The following GCKR variants were observed in gnomAD, a reference collection of about 807,000 sequenced individuals.
The protein encoded by GCKR is glucokinase regulatory protein.
Under a neutral mutation model 82.9 loss-of-function variants are expected in GCKR, and 73 were observed. That is an observed-to-expected ratio of 0.88 (90% confidence interval 0.73 to 1.07). The LOEUF is 1.07. Among genes scored for constraint, GCKR ranks in the 50% least tolerant of loss-of-function variants. GCKR has a pLI of 0.00. For missense variants in GCKR, 784 were observed against 782.1 expected, an observed-to-expected ratio of 1.00 and a Z score of -0.03; for synonymous variants, 294 against 291.8, an observed-to-expected ratio of 1.01 and a Z score of -0.08.
rs759000345 is a variant in GCKR at position 27,499,137 on chromosome 2, C to G, written c.429-5C>G. 1.3e-6 allele frequency: 2 copies of G among 1,589,634 alleles called. No homozygotes were observed. The highest frequency in any genetic ancestry group is 2.2e-5 in the South Asian group (2 of 90,586). ...CTGCCACTGACCTTGAGTCTGTCCT[C>G]TTAGGTCTGTGGTGGCCTCTAGGGA... On this transcript the variant is annotated splice_region_variant and splice_polypyrimidine_tract_variant and intron_variant, in intron 5 of 18. Transcript: ENST00000264717.
In GCKR at chr2:27,507,811, G is replaced by A. The variant is rs1290592839; in HGVS notation, c.1240+34G>A. The stretch of plus-strand genomic sequence containing the variant: ...GAAGATGGGAGTGGTGAGGGGTGGG[G>A]AGGGGGAAATAGAATGGTTCAGAGG... On this transcript the variant is annotated intron_variant, in intron 14 of 18. Transcript: ENST00000264717. The A allele has an allele frequency of 4.5e-6, 6 of 1,321,780 alleles. No homozygotes were observed. In the South Asian group the frequency reaches 5.9e-5, roughly 13 times the overall value. 81.9% of individuals were successfully genotyped at this position (1,321,780 alleles called of 1,614,324 possible). A position where few individuals can be genotyped will look rare whatever the true frequency, so the allele number is the denominator to read the frequency against.
At chr2:27,509,607 G>T in intron 16 of GCKR, 1 of 406,822 alleles carries the variant, frequency 2.5e-6, no homozygotes, top group South Asian at 1.7e-5. Context: ...CTCCCAAAGT[G>T]CTGAGATTGC....
intron 9 of GCKR, among the ~76,000 whole-genome samples, chr2:27,505,412 A>G (rs1469912048): frequency 3.3e-5 from 5 of 150,870 alleles, no homozygotes; most frequent in East Asian, 1.9e-4. Context: ...TCAAAAAAAA[A>G]AAAAAAAGAA....
At chr2:27,514,430 A>T (rs1223030755) in intron 16 of GCKR, among the ~76,000 whole-genome samples, 1 of 152,070 alleles carries the variant, frequency 6.6e-6, no homozygotes, top group Non-Finnish European at 1.5e-5. Context: ...TTAATTAGTT[A>T]CTGGCTTATC....
chr2:27,501,065 G>A (rs1427003603), intron 7 of GCKR, 70 bp from the exon 8 acceptor site: 1 of 1,018,212 alleles, frequency 9.8e-7, no homozygotes, highest in Non-Finnish European at 1.6e-6. Flanking sequence ...GGGTTCTGAT[G>A]CACTTGAGCC....
Position 27,518,950 on chromosome 2 carries a change from T to TTG in GCKR, c.1572+13_1572+14insTG. The TTG allele has an allele frequency of 5.6e-6, 4 of 716,868 alleles. No homozygotes were observed. Among genetic ancestry groups the TTG allele is most frequent in the East Asian group, 4.3e-5 (1 of 23,404 alleles). The allele number at this position is 716,868 out of a possible 1,614,324, so 44.4% of individuals were successfully genotyped here. A position where few individuals can be genotyped will look rare whatever the true frequency, so the allele number is the denominator to read the frequency against. ...GGCCATGCTGCAGGTAGGGATATGA[T>TTG]GGGGCAGGGTTGGGTGGGACCTGGC... On this transcript the variant is annotated intron_variant, in intron 17 of 18. Coordinates refer to ENST00000264717, the MANE Select transcript of GCKR (RefSeq NM_001486.4).
At position 27,506,872 on chromosome 2, in the gene GCKR, C is replaced by T. The variant is rs150535006; in HGVS notation, c.1053C>T (p.His351=). 2 of 1,600,532 alleles carry T rather than the reference C, an allele frequency of 1.2e-6. No individual in the cohort carries two copies. The highest frequency in any genetic ancestry group is 1.7e-6 in the Non-Finnish European group (2 of 1,167,656). ...TCATGGATGGAGTAGAGTGCATCCACACCTTTGGTGCTGGTGGGACCCCAG... is the reference window on the plus strand; with the variant it reads ...TCATGGATGGAGTAGAGTGCATCCATACCTTTGGTGCTGGTGGGACCCCAG... ...IAIMDGVECI[H]TFGADFRDVR... The change falls in exon 12 of 19, where the codon CAC becomes CAT. Residue 351 remains histidine, a synonymous_variant. Transcript: ENST00000264717.
At chr2:27,503,758 T>C (rs1669641588) in intron 9 of GCKR, 139 bp downstream of exon 9, 2 of 676,160 alleles carry the variant, frequency 3.0e-6, no homozygotes, top group South Asian at 1.6e-5. Flanking sequence ...TAAAATGTTA[T>C]AAACCAAATC....
chr2:27,499,363 C>G, intron 6 of GCKR, 34 bp from the exon 7 acceptor site: 1 of 1,551,026 alleles, frequency 6.4e-7, no homozygotes, highest in Non-Finnish European at 8.9e-7. Flanking sequence ...GGAATCCTCC[C>G]AGTTACACTA....
chr2:27,521,813 C>T (rs987790748), intron 17 of GCKR, among the ~76,000 whole-genome samples: 9 of 151,986 alleles, frequency 5.9e-5, no homozygotes, highest in African/African-American at 2.2e-4. Context: ...GCCTCAAACT[C>T]CTGAGCTCAG....
intron 16 of GCKR, among the ~76,000 whole-genome samples, chr2:27,518,503 C>T (rs779993149): frequency 3.3e-5 from 5 of 152,156 alleles, no homozygotes; most frequent in Non-Finnish European, 7.3e-5. Flanking sequence ...GAAAAAGGAA[C>T]AATTCAGCAG....
At position 27,507,664 on chromosome 2, in the gene GCKR, A is replaced by G. The variant is rs1558438056; in HGVS notation, c.1144-17A>G. The G allele has an allele frequency of 7.0e-7, 1 of 1,430,210 alleles. No individual in the cohort carries two copies. The highest frequency in any genetic ancestry group is 9.9e-7 in the Non-Finnish European group (1 of 1,013,148). The allele number at this position is 1,430,210 out of a possible 1,614,324, so 88.6% of individuals were successfully genotyped here. A position where few individuals can be genotyped will look rare whatever the true frequency, so the allele number is the denominator to read the frequency against. ...GTGTTTTCATGGGAGGGACCCTCCC[A>G]TCTTCTTCTGCCCCAGGGTCCCCAG... is the stretch of plus-strand genomic sequence containing the variant. On this transcript the variant is annotated splice_polypyrimidine_tract_variant and intron_variant, in intron 13 of 18. Transcript: ENST00000264717.
chr2:27,497,676 T>G (rs372335070), intron 3 of GCKR, 46 bp downstream of exon 3: 2 of 1,186,406 alleles, frequency 1.7e-6, no homozygotes, highest in African/African-American at 1.5e-5. Context: ...TCTGTTTCCC[T>G]CTTTCTCTTT....
At chr2:27,522,291 C>T (rs1025029654) in intron 17 of GCKR, among the ~76,000 whole-genome samples, 169 bp from the exon 18 acceptor site, 1 of 152,122 alleles carries the variant, frequency 6.6e-6, no homozygotes, top group Non-Finnish European at 1.5e-5. Flanking sequence ...TTTCTTTACA[C>T]CTGGGAATTA....
intron 11 of GCKR, 92 bp downstream of exon 11, chr2:27,506,671 G>A (rs1295601262): frequency 9.0e-7 from 1 of 1,113,708 alleles, no homozygotes; most frequent in Non-Finnish European, 1.4e-6. Context: ...ACACGGTATG[G>A]GCGATAGGAT....
Position 27,499,136 on chromosome 2 carries a change from T to A in GCKR, c.429-6T>A, listed in dbSNP as rs1669505638. On this transcript the variant is annotated splice_region_variant and splice_polypyrimidine_tract_variant and intron_variant, in intron 5 of 18. Transcript: ENST00000264717. ...ACTGCCACTGACCTTGAGTCTGTCCTCTTAGGTCTGTGGTGGCCTCTAGGG... is the reference window on the plus strand; with the variant it reads ...ACTGCCACTGACCTTGAGTCTGTCCACTTAGGTCTGTGGTGGCCTCTAGGG... The A allele has an allele frequency of 6.9e-6, 11 of 1,586,916 alleles. No individual in the cohort carries two copies. The South Asian group carries it at 9.9e-5, about 14-fold the overall frequency.
chr2:27,518,997 G>C, intron 17 of GCKR, 60 bp downstream of exon 17: 1 of 1,477,406 alleles, frequency 6.8e-7, no homozygotes, highest in Non-Finnish European at 9.5e-7. Flanking sequence ...GGCTGCCAGA[G>C]GAGGGCATTT....
In GCKR at chr2:27,500,555, A is replaced by G. The variant is rs187983823; in HGVS notation, c.550-580A>G. ...AGAGACCATAGGGCCCACAAACCCTAAAGTATTTAGTATCTGGCCTTTTAC... is the reference window on the plus strand; with the variant it reads ...AGAGACCATAGGGCCCACAAACCCTGAAGTATTTAGTATCTGGCCTTTTAC... On this transcript the variant is annotated intron_variant, in intron 7 of 18. Coordinates refer to ENST00000264717, the MANE Select transcript of GCKR (RefSeq NM_001486.4). Among the ~76,000 whole-genome samples, 5 of 152,344 alleles carry G rather than the reference A, an allele frequency of 3.3e-5. No homozygotes were observed. In the East Asian group the frequency reaches 9.6e-4, roughly 29 times the overall value.
At chr2:27,515,745 G>GTATATATATATA (rs528066615) in intron 16 of GCKR, among the ~76,000 whole-genome samples, 49 of 129,438 alleles carry the variant, frequency 3.8e-4, no homozygotes, top group African/African-American at 1.3e-3. Flanking sequence ...CCAATTGTTC[G>GTATATATATATA]TATATATATA....
Sources: allele counts gnomAD v4.1 joint callset (sites outside exome capture counted in the v4.1 genomes callset), GRCh38; gene constraint gnomAD v4.1.1; transcripts MANE v1.5; gene names NCBI Gene and HGNC (gene_info 2026-07-23, HGNC 2026-07-21).